Variants in ZNF202 observed in about 807,000 individuals in gnomAD.
ZNF202 encodes zinc finger protein 202.
In ZNF202, 22 loss-of-function variants were observed where a neutral mutation model predicts 54.5. The observed-to-expected ratio is 0.40, with a 90% CI of 0.29 to 0.58. The LOEUF (loss-of-function observed/expected upper bound fraction) is 0.58. ZNF202 is among the 20% of genes least tolerant of loss of function. ZNF202 has a pLI of 0.39. For missense variants in ZNF202, 644 were observed against 805.5 expected (o/e 0.80, Z 2.43); for synonymous variants, 294 against 301.4 (o/e 0.98, Z 0.26).
chr11:123,739,378 T>C (rs970334211), intron 3 of ZNF202: 1 of 152,098 alleles, frequency 6.6e-6, no homozygotes, highest in African/African-American at 2.4e-5. Context: ...CAATTACGTG[T>C]CCCACACTAT....
Position 123,727,533 on chromosome 11 carries a change from C to T in ZNF202, c.895G>A (p.Asp299Asn). The T allele has an allele frequency of 1.2e-6, 2 of 1,614,144 alleles. No individual in the cohort carries two copies. Among genetic ancestry groups the T allele is most frequent in the Non-Finnish European group, 1.7e-6 (2 of 1,180,018 alleles). Residue 299 changes from aspartate to asparagine, a missense_variant, in exon 8 of 9, where the codon GAT (aspartate) becomes AAT (asparagine). Around this residue, in one of 3 missense-constraint regions of ZNF202, gnomAD observed 536 missense variants for 635.3 expected, o/e 0.84. Coordinates refer to ENST00000530393, the MANE Select transcript of ZNF202 (RefSeq NM_003455.4). ...QVREEEPWVP[D>N]IQEPQETQEP... ...TGAGTCTCCTGAGGCTCTTGGATAT[C>T]TGGGACCCAAGGCTCTTCCTCTCTA...
chr11:123,729,557 TGTCC>T, intron 5 of ZNF202, 54 bp downstream of exon 5: 1 of 1,438,206 alleles, frequency 7.0e-7, no homozygotes, highest in African/African-American at 1.5e-5. Flanking sequence ...GTCCGAGAAA[TGTCC>T]CCCTCCTTGC....
chr11:123,736,703 T>C (rs1861647701), intron 3 of ZNF202, among the ~76,000 whole-genome samples: 1 of 151,658 alleles, frequency 6.6e-6, no homozygotes, highest in Non-Finnish European at 1.5e-5. Flanking sequence ...TTTGAATCCC[T>C]GACCTCGAAT....
Position 123,726,361 on chromosome 11 carries a change from T to C in ZNF202, c.1583A>G (p.Gln528Arg), listed in dbSNP as rs373918482. 10 of 1,614,110 alleles carry C rather than the reference T, an allele frequency of 6.2e-6. No individual in the cohort carries two copies. In the Admixed American group the frequency reaches 1.3e-4, roughly 22 times the overall value. Residue 528 changes from glutamine to arginine, a missense_variant, in exon 9 of 9, where the codon CAA becomes CGA. Around this residue, in one of 3 missense-constraint regions of ZNF202, gnomAD observed 536 missense variants for 635.3 expected, o/e 0.84. Transcript: ENST00000530393. The surrounding 1 kb of genome is among the most constrained non-coding windows in gnomAD (Gnocchi z 6.0). ...GGGTTTGCCTCCCAGGTGGATTCTT[T>C]GGTGTGTTGTTAACACAGATTTCTG... is the stretch of plus-strand genomic sequence containing the variant. ...FSQKSVLTTH[Q>R]RIHLGGKPYL...
At position 123,726,559 on chromosome 11, in the gene ZNF202, A is replaced by G. The variant is rs749916259; in HGVS notation, c.1385T>C (p.Leu462Ser). Residue 462 changes from leucine to serine, a missense_variant, in exon 9 of 9, where the codon TTG becomes TCG. By Grantham distance (145) the Leu-to-Ser change is moderately radical. Transcript: ENST00000530393. This position sits in a 1 kb window ranked among gnomAD's most constrained non-coding sequence, Gnocchi z 6.0. ...PYKYPLNRKN[L>S]EETSPVTQAE... ...CTGTGTCACAGGGGAGGTCTCTTCCAAATTCTTCCGGTTTAGGGGATATTT... is the reference window on the plus strand; with the variant it reads ...CTGTGTCACAGGGGAGGTCTCTTCCGAATTCTTCCGGTTTAGGGGATATTT... 1.2e-6 allele frequency: 2 copies of G among 1,614,206 alleles called. No homozygotes were observed. The highest frequency in any genetic ancestry group is 1.7e-6 in the Non-Finnish European group (2 of 1,180,040).
chr11:123,728,692 C>T lies in ZNF202; in HGVS notation c.703-430G>A, dbSNP rs535534050. 7.2e-5 allele frequency among the ~76,000 whole-genome samples: 11 copies of T among 152,224 alleles called. No homozygotes were observed. The East Asian group carries it at 2.1e-3, about 29-fold the overall frequency. On this transcript the variant is annotated intron_variant, in intron 6 of 8. Transcript: ENST00000530393. ...AGTTAGATTACAATCTAAAACCATA[C>T]ATGAATTCTATTTCTTTTTCTCCAG...
chr11:123,732,407 C>T (rs1039980802), intron 3 of ZNF202, among the ~76,000 whole-genome samples: 4 of 152,224 alleles, frequency 2.6e-5, no homozygotes, highest in African/African-American at 4.8e-5. Context: ...CAGACACACA[C>T]GCACACACGT....
At chr11:123,729,483 T>A in intron 5 of ZNF202, 132 bp downstream of exon 5, 2 of 1,162,372 alleles carry the variant, frequency 1.7e-6, no homozygotes, top group Non-Finnish European at 2.4e-6. Context: ...CCTCTTGACA[T>A]CCTGGATTCT....
At position 123,730,807 on chromosome 11, in the gene ZNF202, T is replaced by C. The variant is rs771740759; in HGVS notation, c.82A>G (p.Thr28Ala). 7 of 1,614,192 alleles carry C rather than the reference T, an allele frequency of 4.3e-6. No homozygotes were observed. The highest frequency in any genetic ancestry group is 5.9e-6 in the Non-Finnish European group (7 of 1,180,046). The change falls in exon 4 of 9, where the codon ACC (threonine) becomes GCC (alanine). Residue 28 changes from threonine to alanine, a missense_variant. Around this residue, in one of 3 missense-constraint regions of ZNF202, gnomAD observed 46 missense variants for 47.4 expected, o/e 0.97. Transcript: ENST00000530393. This position sits in a 1 kb window ranked among gnomAD's most constrained non-coding sequence, Gnocchi z 6.0. ...TGTAAGACAGACTCTGGCCGACAGG[T>C]GAAATCATCTTCCAGTTTCACCATC... Reference protein sequence around the residue: ...ILMVKLEDDFTCRPESVLQRD... With the variant: ...ILMVKLEDDFACRPESVLQRD...
intron 5 of ZNF202, 59 bp downstream of exon 5, chr11:123,729,548 TCCGAGAAA>T: frequency 3.3e-6 from 1 of 303,970 alleles, no homozygotes; most frequent in East Asian, 4.2e-5. Context: ...AGGAGAAATG[TCCGAGAAA>T]TGTCCCCCTC....
rs141358437 is a variant in ZNF202 at position 123,726,203 on chromosome 11, C to T, written c.1741G>A (p.Ala581Thr). Residue 581 changes from alanine to threonine, a missense_variant, in exon 9 of 9, where the codon GCC becomes ACC. Physicochemically the swap from Ala to Thr is moderately conservative, Grantham distance 58. Coordinates refer to ENST00000530393, the MANE Select transcript of ZNF202 (RefSeq NM_003455.4). The surrounding 1 kb of genome is among the most constrained non-coding windows in gnomAD (Gnocchi z 6.0). ...GRCFTHSAAF[A>T]KHLRGHASVR... ...GAGGCGTGTCCTCTCAAGTGCTTGGCGAACGCTGCGCTGTGGGTGAAGCAG... is the reference window on the plus strand; with the variant it reads ...GAGGCGTGTCCTCTCAAGTGCTTGGTGAACGCTGCGCTGTGGGTGAAGCAG... 1.4e-5 allele frequency: 22 copies of T among 1,614,078 alleles called. No homozygotes were observed. Among genetic ancestry groups the T allele is most frequent in the African/African-American group, 1.1e-4 (8 of 74,924 alleles).
At chr11:123,733,559 T>G (rs1861504270) in intron 3 of ZNF202, among the ~76,000 whole-genome samples, 1 of 152,194 alleles carries the variant, frequency 6.6e-6, no homozygotes. Context: ...GTTTCAATGA[T>G]CTTGGACAGT....
Position 123,724,208 on chromosome 11 carries a change from C to T in ZNF202, c.*1789G>A, listed in dbSNP as rs1184418624. 1 of 152,194 alleles carries T rather than the reference C, an allele frequency of 6.6e-6. No homozygotes were observed. The allele number at this position is 152,194 out of a possible 1,614,324, so 9.4% of individuals were successfully genotyped here. A position where few individuals can be genotyped will look rare whatever the true frequency, so the allele number is the denominator to read the frequency against. On this transcript the variant is annotated 3_prime_UTR_variant, in exon 9 of 9. Transcript: ENST00000530393. ...CACCGGACTCTGCTAATCATCCCAA[C>T]CCTTCCTTTCCTCAAGGAAAAATAC...
Position 123,726,445 on chromosome 11 carries a change from T to C in ZNF202, c.1499A>G (p.Gln500Arg). The C allele has an allele frequency of 1.2e-6, 2 of 1,614,258 alleles. No homozygotes were observed. The highest frequency in any genetic ancestry group is 1.7e-6 in the Non-Finnish European group (2 of 1,180,046). The change falls in exon 9 of 9, where the codon CAG (glutamine) becomes CGG (arginine). Residue 500 changes from glutamine to arginine, a missense_variant. This residue lies in a region of ZNF202 where 536 missense variants were observed against 635.3 expected (regional missense o/e 0.84). Coordinates refer to ENST00000530393, the MANE Select transcript of ZNF202 (RefSeq NM_003455.4). This position sits in a 1 kb window ranked among gnomAD's most constrained non-coding sequence, Gnocchi z 6.0. ...GGGTTTTTCTCCAGTATGTGTCCTC[T>C]GATGTCTGACAAGGTCTGAAGTCCA... ...FRWTSDLVRHQRTHTGEKPFF... is the reference protein window; with the variant it reads ...FRWTSDLVRHRRTHTGEKPFF...
chr11:123,734,705 C>T (rs1207633385), intron 3 of ZNF202, among the ~76,000 whole-genome samples: 1 of 152,204 alleles, frequency 6.6e-6, no homozygotes, highest in African/African-American at 2.4e-5. Context: ...CTGTGCCCAG[C>T]TCGATGCCTG....
chr11:123,731,655 A>G (rs975863048), intron 3 of ZNF202, among the ~76,000 whole-genome samples: 1 of 152,148 alleles, frequency 6.6e-6, no homozygotes, highest in Admixed American at 6.5e-5. Flanking sequence ...TCATTCTCCT[A>G]ATGCCAGTTT....
chr11:123,730,293 A>T lies in ZNF202; in HGVS notation c.402+194T>A, dbSNP rs1861349926. ...GAGACCCCTCAGATGGTCCCTATAC[A>T]GGTGTTCCAATATCCAGAAAGTCAC... On this transcript the variant is annotated intron_variant, in intron 4 of 8. Coordinates refer to ENST00000530393, the MANE Select transcript of ZNF202 (RefSeq NM_003455.4). This position sits in a 1 kb window ranked among gnomAD's most constrained non-coding sequence, Gnocchi z 6.0. 6.6e-6 allele frequency among the ~76,000 whole-genome samples: 1 copy of T among 152,190 alleles called. No individual in the cohort carries two copies. Among genetic ancestry groups the T allele is most frequent in the Non-Finnish European group, 1.5e-5 (1 of 68,016 alleles).
At chr11:123,737,178 C>T (rs550493075) in intron 3 of ZNF202, among the ~76,000 whole-genome samples, 1 of 151,982 alleles carries the variant, frequency 6.6e-6, no homozygotes, top group African/African-American at 2.4e-5. Context: ...TTCTAATTAC[C>T]AATATATCAA....
intron 3 of ZNF202, among the ~76,000 whole-genome samples, chr11:123,737,754 G>A (rs976067103): frequency 3.3e-5 from 5 of 152,238 alleles, no homozygotes; most frequent in African/African-American, 4.8e-5. Context: ...AGTTGCCTTC[G>A]GCGGAGGGTG....
Sources: gnomAD v4.1 joint callset for allele counts (sites outside exome capture counted in the v4.1 genomes callset) on GRCh38, gnomAD v4.1.1 for gene constraint, gnomAD v4.1.1 regional missense constraint, Gnocchi (gnomAD v3.1) non-coding constraint, MANE v1.5 for transcripts, NCBI Gene and HGNC (gene_info 2026-07-23, HGNC 2026-07-21) for gene names.